The following PDE9A variants were observed in gnomAD, a reference collection of about 807,000 sequenced individuals.
The protein encoded by PDE9A is phosphodiesterase 9A.
A neutral mutation model predicts 87.4 loss-of-function variants in PDE9A; 60 were observed. That is an observed-to-expected ratio of 0.69 (90% CI 0.56 to 0.85). The LOEUF (loss-of-function observed/expected upper bound fraction) is 0.85, where lower values mean the gene tolerates loss of function less well. Among genes scored for constraint, PDE9A ranks in the 40% least tolerant of loss-of-function variants. The pLI is 0.00. For missense variants in PDE9A, 665 were observed against 779.0 expected, an observed-to-expected ratio of 0.85 and a Z score of 1.74; for synonymous variants, 272 against 279.4, an observed-to-expected ratio of 0.97 and a Z score of 0.27.
chr21:42,685,680 A>C (rs1357943463), intron 1 of PDE9A, among the ~76,000 whole-genome samples: 1 of 151,196 alleles, frequency 6.6e-6, no homozygotes, highest in Non-Finnish European at 1.5e-5. Flanking sequence ...GTTGGCCAGG[A>C]TGGTCTGGAA....
At chr21:42,758,781 C>T in intron 10 of PDE9A, 2 of 522,338 alleles carry the variant, frequency 3.8e-6, no homozygotes, top group South Asian at 4.6e-5. Context: ...GCTCTCAAAC[C>T]CCCACCCATC....
intron 4 of PDE9A, among the ~76,000 whole-genome samples, chr21:42,717,812 C>T (rs1214366440): frequency 6.6e-6 from 1 of 151,696 alleles, no homozygotes; most frequent in Non-Finnish European, 1.5e-5. Context: ...TCTTTCTGGC[C>T]TCCATTGTTT....
intron 4 of PDE9A, among the ~76,000 whole-genome samples, chr21:42,718,447 C>A (rs1365074416): frequency 6.6e-6 from 1 of 151,728 alleles, no homozygotes; most frequent in African/African-American, 2.4e-5. Context: ...CAAGTGACTG[C>A]AGCTTTGCGG....
At chr21:42,741,735 T>C (rs11203213) in intron 7 of PDE9A, 118,982 of 152,126 alleles carry the variant, frequency 0.78, 47,590 homozygotes, top group African/African-American at 0.95. Flanking sequence ...TGATTCCAGC[T>C]AGTCTGCCCT....
chr21:42,770,922 C>T (rs1009056283), intron 18 of PDE9A, 124 bp downstream of exon 18: 4 of 667,572 alleles, frequency 6.0e-6, no homozygotes, highest in Non-Finnish European at 1.1e-5. Flanking sequence ...TGGACAGGCA[C>T]ACGTGTACCT....
intron 3 of PDE9A, among the ~76,000 whole-genome samples, chr21:42,698,496 T>TGG (rs1362851609): frequency 6.6e-6 from 1 of 151,618 alleles, no homozygotes; most frequent in African/African-American, 2.4e-5. Context: ...CTCGTGATGA[T>TGG]GGGGGGAGGG....
At chr21:42,725,721 C>T (rs1026400416) in intron 4 of PDE9A, among the ~76,000 whole-genome samples, 11 of 152,140 alleles carry the variant, frequency 7.2e-5, no homozygotes, top group African/African-American at 2.7e-4. Flanking sequence ...ATGGATGGAC[C>T]ACGGTTGGTT....
At chr21:42,745,703 G>C (rs1912364334) in intron 8 of PDE9A, among the ~76,000 whole-genome samples, 1 of 152,248 alleles carries the variant, frequency 6.6e-6, no homozygotes, top group African/African-American at 2.4e-5. Context: ...TTGGCAGGAG[G>C]GTGGTGTTCC....
intron 1 of PDE9A, among the ~76,000 whole-genome samples, chr21:42,655,316 A>G (rs1307529048): frequency 6.6e-6 from 1 of 152,240 alleles, no homozygotes; most frequent in African/African-American, 2.4e-5. Flanking sequence ...CACCAGATCA[A>G]CAGTAGCAGG....
intron 4 of PDE9A, among the ~76,000 whole-genome samples, chr21:42,718,407 C>G (rs2146550633): frequency 6.6e-6 from 1 of 151,824 alleles, no homozygotes; most frequent in East Asian, 1.9e-4. Context: ...CACTAATGAC[C>G]TGTATGTTAG....
At position 42,759,969 on chromosome 21, in the gene PDE9A, T is replaced by C. The variant is rs1167282384; in HGVS notation, c.898-359T>C. 2.6e-5 allele frequency among the ~76,000 whole-genome samples: 4 copies of C among 152,156 alleles called. No homozygotes were observed. Among genetic ancestry groups the C allele is most frequent in the Non-Finnish European group, 5.9e-5 (4 of 67,976 alleles). ...AGCCTATTAAAGGTTTCATGGTGAC[T>C]GGGGACCCAGAGCTCCCTCTTGGAG... On this transcript the variant is annotated intron_variant, in intron 11 of 19. Transcript: ENST00000291539. This position sits in a 1 kb window ranked among gnomAD's most constrained non-coding sequence, Gnocchi z 7.2.
In PDE9A at chr21:42,704,452, A is replaced by ACACACACG. The variant is rs1378773644; in HGVS notation, c.262+5448_262+5449insGCACACAC. On this transcript the variant is annotated intron_variant, in intron 4 of 19. Coordinates refer to ENST00000291539, the MANE Select transcript of PDE9A (RefSeq NM_002606.3). The surrounding 1 kb of genome is among the most constrained non-coding windows in gnomAD (Gnocchi z 5.3). ...CCACCAAACACACACACACACACAC[A>ACACACACG]CACACACACACACACACAGCTTTCC... 2.5e-4 allele frequency among the ~76,000 whole-genome samples: 38 copies of ACACACACG among 151,220 alleles called. No individual in the cohort carries two copies. The highest frequency in any genetic ancestry group is 7.0e-4 in the African/African-American group (29 of 41,164).
intron 1 of PDE9A, among the ~76,000 whole-genome samples, chr21:42,665,723 C>T (rs922823155): frequency 1.1e-4 from 16 of 152,178 alleles, no homozygotes; most frequent in Non-Finnish European, 2.2e-4. Flanking sequence ...CCCTTGGAGC[C>T]CAGGATCAAG....
chr21:42,677,170 T>C (rs1468137827), intron 1 of PDE9A, among the ~76,000 whole-genome samples: 1 of 152,188 alleles, frequency 6.6e-6, no homozygotes, highest in Non-Finnish European at 1.5e-5. Flanking sequence ...GAGGGAAAGA[T>C]TGTAGAATAA....
chr21:42,668,506 C>T (rs1233701398), intron 1 of PDE9A, among the ~76,000 whole-genome samples: 3 of 152,184 alleles, frequency 2.0e-5, no homozygotes, highest in Admixed American at 1.3e-4. Context: ...AGAAATGCCC[C>T]GTGAGAGTCC....
At chr21:42,718,057 C>T (rs1237697442) in intron 4 of PDE9A, among the ~76,000 whole-genome samples, 1 of 151,132 alleles carries the variant, frequency 6.6e-6, no homozygotes, top group Admixed American at 6.6e-5. Flanking sequence ...TGCAGGTGCC[C>T]GCCACCACGC....
rs1231895541 is a variant in PDE9A at position 42,696,118 on chromosome 21, AG to A, written c.219-2845del. Among the ~76,000 whole-genome samples the A allele has an allele frequency of 6.6e-6, 1 of 152,160 alleles. No homozygotes were observed. The highest frequency in any genetic ancestry group is 2.4e-5 in the African/African-American group (1 of 41,432). On this transcript the variant is annotated intron_variant, in intron 3 of 19. Coordinates refer to ENST00000291539, the MANE Select transcript of PDE9A (RefSeq NM_002606.3). The surrounding 1 kb of genome is among the most constrained non-coding windows in gnomAD (Gnocchi z 5.1). Reference sequence around the variant, plus strand: ...CTCTGAATTGGTTGAATGGGCTTGAAGGGGGCTGGACTCCATTTGGGTGGAT... The same window carrying A: ...CTCTGAATTGGTTGAATGGGCTTGAAGGGGCTGGACTCCATTTGGGTGGAT...
intron 4 of PDE9A, among the ~76,000 whole-genome samples, chr21:42,726,626 T>TATA (rs1569207600): frequency 4.9e-5 from 2 of 41,152 alleles, no homozygotes; most frequent in African/African-American, 1.7e-4. Flanking sequence ...ATATATATAT[T>TATA]TTTTTTTTTT....
At chr21:42,773,080 G>A (rs1329893974) in intron 19 of PDE9A, among the ~76,000 whole-genome samples, 1 of 150,878 alleles carries the variant, frequency 6.6e-6, no homozygotes, top group Non-Finnish European at 1.5e-5. Flanking sequence ...TGGCCAACAT[G>A]GTGAAACCCT....
Sources: gnomAD v4.1 joint callset for allele counts (sites outside exome capture counted in the v4.1 genomes callset) on GRCh38, gnomAD v4.1.1 for gene constraint, Gnocchi (gnomAD v3.1) non-coding constraint, MANE v1.5 for transcripts, NCBI Gene and HGNC (gene_info 2026-07-23, HGNC 2026-07-21) for gene names.